AQP11: variants seen among roughly 807,000 people sequenced by gnomAD.
The protein encoded by AQP11 is aquaporin-11.
In AQP11, 20 loss-of-function variants were observed where a neutral mutation model predicts 21.1. That is an observed-to-expected ratio of 0.95 (90% CI 0.67 to 1.38). The LOEUF (loss-of-function observed/expected upper bound fraction) is 1.38, where lower values mean the gene tolerates loss of function less well. Among genes scored for constraint, AQP11 ranks in the 40% most tolerant of loss-of-function variants. AQP11 has a pLI of 0.00. For missense variants in AQP11, 339 were observed against 340.4 expected (o/e 1.00, Z 0.03); for synonymous variants, 167 against 150.1 (o/e 1.11, Z -0.82).
chr11:77,592,229 T>G (rs999561775), intron 1 of AQP11, among the ~76,000 whole-genome samples: 1 of 151,322 alleles, frequency 6.6e-6, no homozygotes. Context: ...ATAGTGCCAC[T>G]GCACTCCAGC....
At chr11:77,603,478 T>G in intron 1 of AQP11, 78 bp from the exon 2 acceptor site, 1 of 999,406 alleles carries the variant, frequency 1.0e-6, no homozygotes, top group Non-Finnish European at 1.5e-6. Context: ...AAAGTCACAT[T>G]TAGTAACCAT....
chr11:77,597,689 A>G (rs1213486787), intron 1 of AQP11, among the ~76,000 whole-genome samples: 4 of 152,170 alleles, frequency 2.6e-5, no homozygotes, highest in African/African-American at 9.6e-5. Context: ...TTGCCCAGTA[A>G]TGTCCGGGAG....
At chr11:77,598,005 C>T (rs1039690064) in intron 1 of AQP11, among the ~76,000 whole-genome samples, 2 of 152,146 alleles carry the variant, frequency 1.3e-5, no homozygotes, top group African/African-American at 4.8e-5. Context: ...TCCCAAAGTG[C>T]TGGGATTACA....
intron 2 of AQP11, among the ~76,000 whole-genome samples, chr11:77,608,429 A>G (rs1450920117): frequency 3.9e-5 from 6 of 152,192 alleles, no homozygotes; most frequent in Admixed American, 3.3e-4. Flanking sequence ...ACTGGCCAAC[A>G]TGGTGAAACC....
In AQP11 at chr11:77,590,886, A is replaced by G. The variant is rs543902837; in HGVS notation, c.619+275A>G. The G allele has an allele frequency of 5.1e-6, 5 of 985,432 alleles. No individual in the cohort carries two copies. The Admixed American group carries it at 2.5e-4, about 48-fold the overall frequency. The allele number at this position is 985,432 out of a possible 1,614,324, so 61.0% of individuals were successfully genotyped here. ...TTGCCAAGGGTTCAGATATCCTACA[A>G]AGGGATTGTTTTAATGGTAGAAAGG... On this transcript the variant is annotated intron_variant, in intron 1 of 2. Coordinates refer to ENST00000313578, the MANE Select transcript of AQP11 (RefSeq NM_173039.3).
intron 1 of AQP11, among the ~76,000 whole-genome samples, chr11:77,602,728 CAAT>C (rs2135749660): frequency 6.6e-6 from 1 of 152,272 alleles, no homozygotes; most frequent in Non-Finnish European, 1.5e-5. Flanking sequence ...TGGTGCATGT[CAAT>C]AATAAAACTT....
intron 2 of AQP11, among the ~76,000 whole-genome samples, chr11:77,605,151 C>G (rs1355131901): frequency 1.3e-5 from 2 of 152,154 alleles, no homozygotes; most frequent in African/African-American, 4.8e-5. Context: ...TGAGATCGCA[C>G]CACTGCACTC....
At chr11:77,606,441 G>GGAA (rs1958847032) in intron 2 of AQP11, among the ~76,000 whole-genome samples, 1 of 152,150 alleles carries the variant, frequency 6.6e-6, no homozygotes, top group South Asian at 2.1e-4. Context: ...GGTACAAACA[G>GGAA]GAAGATAACA....
At chr11:77,592,623 A>G (rs964483346) in intron 1 of AQP11, among the ~76,000 whole-genome samples, 1 of 152,244 alleles carries the variant, frequency 6.6e-6, no homozygotes, top group South Asian at 2.1e-4. Flanking sequence ...TGTATATATT[A>G]GCCATTCCCT....
chr11:77,603,762 G>A, intron 2 of AQP11, 90 bp downstream of exon 2: 1 of 906,050 alleles, frequency 1.1e-6, no homozygotes, highest in Non-Finnish European at 1.6e-6. Flanking sequence ...AATTTCCAAA[G>A]CCACAGCAGG....
intron 2 of AQP11, 77 bp downstream of exon 2, chr11:77,603,749 G>T: frequency 9.3e-7 from 1 of 1,074,362 alleles, no homozygotes. Context: ...ATTGTAACAT[G>T]TCAATTTCCA....
Position 77,609,642 on chromosome 11 carries a change from A to G in AQP11, c.*265A>G, listed in dbSNP as rs192673547. 5.2e-4 allele frequency: 145 copies of G among 277,296 alleles called. No homozygotes were observed. Among genetic ancestry groups the G allele is most frequent in the Non-Finnish European group, 8.8e-4 (132 of 149,372 alleles). The allele number at this position is 277,296 out of a possible 1,614,324, so 17.2% of individuals were successfully genotyped here. ...GCCTCATTACATTAAATATAAATCA[A>G]TCTTAAATGATAATTGTTAACTTTG... is the stretch of plus-strand genomic sequence containing the variant. On this transcript the variant is annotated 3_prime_UTR_variant, in exon 3 of 3. Transcript: ENST00000313578.
At chr11:77,598,873 C>G (rs987349891) in intron 1 of AQP11, among the ~76,000 whole-genome samples, 2 of 152,022 alleles carry the variant, frequency 1.3e-5, no homozygotes, top group Admixed American at 6.6e-5. Context: ...TGCCACCACA[C>G]CTGGCTAATT....
chr11:77,605,226 G>A (rs977768448), intron 2 of AQP11, among the ~76,000 whole-genome samples: 1 of 152,126 alleles, frequency 6.6e-6, no homozygotes, highest in Admixed American at 6.6e-5. Flanking sequence ...AAGTTAAAAA[G>A]GTCACTAATG....
At chr11:77,597,454 C>A (rs1419380504) in intron 1 of AQP11, among the ~76,000 whole-genome samples, 13 of 152,154 alleles carry the variant, frequency 8.5e-5, no homozygotes. Flanking sequence ...CGCCTGTAGT[C>A]TCAGCTACTC....
Position 77,601,291 on chromosome 11 carries a change from T to C in AQP11, c.620-2265T>C, listed in dbSNP as rs372258236. On this transcript the variant is annotated intron_variant, in intron 1 of 2. Coordinates refer to ENST00000313578, the MANE Select transcript of AQP11 (RefSeq NM_173039.3). ...TTTTTGTTAACACAGAACCCACACC[T>C]GACATGGATTTCTGTATCAGTTAAC... is the stretch of plus-strand genomic sequence containing the variant. Among the ~76,000 whole-genome samples, 29 of 151,900 alleles carry C rather than the reference T, an allele frequency of 1.9e-4. 1 individual carries two copies. In the South Asian group the frequency reaches 2.7e-3, roughly 14 times the overall value.
intron 1 of AQP11, among the ~76,000 whole-genome samples, chr11:77,597,310 G>A (rs1958789163): frequency 6.6e-6 from 1 of 152,214 alleles, no homozygotes; most frequent in South Asian, 2.1e-4. Context: ...AGTGGCTCAT[G>A]TCTGTAATCC....
chr11:77,598,782 T>A (rs140408135), intron 1 of AQP11, among the ~76,000 whole-genome samples: 2,051 of 152,294 alleles, frequency 0.013, 47 homozygotes, highest in African/African-American at 0.048. Flanking sequence ...TGGTGCAATC[T>A]TGGCTCACTG....
At chr11:77,602,286 C>T (rs187663088) in intron 1 of AQP11, among the ~76,000 whole-genome samples, 67 of 152,256 alleles carry the variant, frequency 4.4e-4, no homozygotes, top group African/African-American at 1.5e-3. Flanking sequence ...CTAAAAGTCA[C>T]AGGTCATTTA....
Sources: gnomAD v4.1 joint callset for allele counts (sites outside exome capture counted in the v4.1 genomes callset) on GRCh38, gnomAD v4.1.1 for gene constraint, MANE v1.5 for transcripts, NCBI Gene and HGNC (gene_info 2026-07-23, HGNC 2026-07-21) for gene names.